The following DGCR2 variants were observed in gnomAD, a reference collection of about 807,000 sequenced individuals.
DGCR2 encodes the protein DiGeorge syndrome critical region gene 2.
DGCR2 carries 24 observed loss-of-function variants against 51.6 expected under a neutral mutation model. The observed-to-expected ratio is 0.47, with a 90% CI of 0.34 to 0.65. DGCR2 has a LOEUF of 0.65. Among genes scored for constraint, DGCR2 ranks in the 30% least tolerant of loss-of-function variants. The pLI, the probability that DGCR2 is intolerant of heterozygous loss-of-function variation, is 0.01. For missense variants in DGCR2, 765 were observed against 772.1 expected (o/e 0.99, Z 0.11); for synonymous variants, 340 against 315.4 (o/e 1.08, Z -0.82).
Position 19,103,479 on chromosome 22 carries a change from G to C in DGCR2, c.80-13989C>G, listed in dbSNP as rs1170814969. ...GGAGTCTCGCTCTGTCACCCAGGCT[G>C]GAGTGCAGTGGCAAGATCTCGGCTT... On this transcript the variant is annotated intron_variant, in intron 1 of 9. Coordinates refer to ENST00000263196, the MANE Select transcript of DGCR2 (RefSeq NM_005137.3). Among the ~76,000 whole-genome samples, 5 of 132,876 alleles carry C rather than the reference G, an allele frequency of 3.8e-5. No homozygotes were observed. In the East Asian group the frequency reaches 8.7e-4, roughly 23 times the overall value. The allele number at this position is 132,876 out of a possible 152,430, so 87.2% of individuals were successfully genotyped here. A position where few individuals can be genotyped will look rare whatever the true frequency, so the allele number is the denominator to read the frequency against.
intron 2 of DGCR2, among the ~76,000 whole-genome samples, chr22:19,076,307 T>C (rs2082875647): frequency 6.7e-6 from 1 of 149,668 alleles, no homozygotes; most frequent in Admixed American, 6.6e-5. Context: ...ATTACAGGCA[T>C]GCATCACCAT....
intron 1 of DGCR2, among the ~76,000 whole-genome samples, chr22:19,115,217 G>C (rs147731953): frequency 3.0e-4 from 45 of 152,354 alleles, no homozygotes; most frequent in African/African-American, 1.0e-3. Context: ...GGGCAGTCCA[G>C]TTCTCAAAGC....
In DGCR2 at chr22:19,041,233, G is replaced by A. The variant is rs768610439; in HGVS notation, c.1221C>T (p.Gly407=). 4 of 1,614,118 alleles carry A rather than the reference G, an allele frequency of 2.5e-6. No individual in the cohort carries two copies. Among genetic ancestry groups the A allele is most frequent in the Non-Finnish European group, 3.4e-6 (4 of 1,180,004 alleles). The change falls in exon 9 of 10, where the codon GGC becomes GGT. Residue 407 remains glycine, a synonymous_variant. Transcript: ENST00000263196. ...PGFDYGPDGF[G]TGLTPLHLSD... is the part of the protein sequence containing the mutation. ...AAAGATGCAGCGGCGTGAGGCCCGT[G>A]CCAAACCCGTCTGGGCCGTAATCAA... is the stretch of plus-strand genomic sequence containing the variant.
In DGCR2 at chr22:19,042,578, G is replaced by T. The variant is rs113094138; in HGVS notation, c.1007-619C>A. Among the ~76,000 whole-genome samples, 834 of 152,350 alleles carry T rather than the reference G, an allele frequency of 5.5e-3. 7 individuals are homozygous for T. Among genetic ancestry groups the T allele is most frequent in the African/African-American group, 0.019 (780 of 41,586 alleles). ...GGAGTGGGGGTGACGCCCCTGCGGA[G>T]CATGGCTCGGGCGGCTGCCGTAGGG... On this transcript the variant is annotated intron_variant, in intron 7 of 9. Coordinates refer to ENST00000263196, the MANE Select transcript of DGCR2 (RefSeq NM_005137.3).
intron 3 of DGCR2, among the ~76,000 whole-genome samples, chr22:19,065,556 G>A (rs1018268446): frequency 6.6e-6 from 1 of 152,190 alleles, no homozygotes; most frequent in Admixed American, 6.5e-5. Flanking sequence ...ACAGCTGGGA[G>A]AGCCATGACA....
At chr22:19,088,141 C>T (rs1245438790) in intron 2 of DGCR2, among the ~76,000 whole-genome samples, 2 of 152,184 alleles carry the variant, frequency 1.3e-5, no homozygotes, top group Non-Finnish European at 2.9e-5. Flanking sequence ...AGTACTAAGC[C>T]TATAGGAATT....
intron 6 of DGCR2, among the ~76,000 whole-genome samples, chr22:19,053,595 T>C (rs2146319900): frequency 6.6e-6 from 1 of 152,272 alleles, no homozygotes; most frequent in South Asian, 2.1e-4. Context: ...AGTAAAGGCA[T>C]AGCCACTGCA....
chr22:19,055,046 G>A (rs2082586753), intron 6 of DGCR2, among the ~76,000 whole-genome samples: 1 of 152,156 alleles, frequency 6.6e-6, no homozygotes, highest in Non-Finnish European at 1.5e-5. Flanking sequence ...AACCCGGGAG[G>A]CAGAGGTTAC....
chr22:19,096,168 T>C lies in DGCR2; in HGVS notation c.80-6678A>G, dbSNP rs2083137709. 2.0e-5 allele frequency among the ~76,000 whole-genome samples: 3 copies of C among 151,342 alleles called. No individual in the cohort carries two copies. In the South Asian group the frequency reaches 6.2e-4, roughly 31 times the overall value. On this transcript the variant is annotated intron_variant, in intron 1 of 9. Transcript: ENST00000263196. ...GGTCTTCAGTTTTATTAAAAATTTCTAACTTCTTATTATTTTGCCATAAAA... is the reference window on the plus strand; with the variant it reads ...GGTCTTCAGTTTTATTAAAAATTTCCAACTTCTTATTATTTTGCCATAAAA...
At chr22:19,122,042 G>T in intron 1 of DGCR2, 86 bp downstream of exon 1, 2 of 1,039,368 alleles carry the variant, frequency 1.9e-6, no homozygotes, top group East Asian at 3.7e-5. Context: ...CCCTGCAGGA[G>T]GGCGCCGCGG....
intron 6 of DGCR2, among the ~76,000 whole-genome samples, chr22:19,049,005 G>T (rs948504361): frequency 6.6e-6 from 1 of 152,204 alleles, no homozygotes; most frequent in Non-Finnish European, 1.5e-5. Flanking sequence ...CATGGCACAG[G>T]GAGTGGCTGT....
intron 2 of DGCR2, among the ~76,000 whole-genome samples, chr22:19,084,401 G>A (rs1476342353): frequency 2.9e-4 from 43 of 150,382 alleles, no homozygotes; most frequent in African/African-American, 9.8e-4. Flanking sequence ...GAGCGTCTCC[G>A]CCGGGCCACC....
chr22:19,064,794 C>T, intron 4 of DGCR2, 54 bp downstream of exon 4: 1 of 1,541,566 alleles, frequency 6.5e-7, no homozygotes, highest in Admixed American at 1.7e-5. Context: ...GCCATGTGCT[C>T]AGTAGTCATC....
intron 1 of DGCR2, among the ~76,000 whole-genome samples, chr22:19,116,223 G>A (rs1311007350): frequency 6.6e-6 from 1 of 152,220 alleles, no homozygotes; most frequent in Non-Finnish European, 1.5e-5. Flanking sequence ...GCTCATTTGA[G>A]GCAAAACCAG....
At chr22:19,111,602 G>A (rs1382637237) in intron 1 of DGCR2, among the ~76,000 whole-genome samples, 1 of 152,156 alleles carries the variant, frequency 6.6e-6, no homozygotes, top group Non-Finnish European at 1.5e-5. Flanking sequence ...AATGAGTCTT[G>A]TCAGGTAAAG....
intron 7 of DGCR2, among the ~76,000 whole-genome samples, chr22:19,043,220 G>T (rs552224302): frequency 2.0e-5 from 3 of 152,214 alleles, no homozygotes; most frequent in Non-Finnish European, 4.4e-5. Context: ...CCACCACTTG[G>T]CTGGGATGCT....
chr22:19,063,278 C>T lies in DGCR2; in HGVS notation c.549G>A (p.Lys183=). 1 of 1,614,008 alleles carries T rather than the reference C, an allele frequency of 6.2e-7. No homozygotes were observed. Among genetic ancestry groups the T allele is most frequent in the Non-Finnish European group, 8.5e-7 (1 of 1,179,924 alleles). ...TAACATACTGATAGCCAACCCACAA[C>T]CTGCAGGGCACAGAGACAGAGACAG... ...ERSFGWKDQR[K]LWVGYQYVIT... is the part of the protein sequence containing the mutation. The change falls in exon 5 of 10, where the codon AAG becomes AAA. Residue 183 remains lysine, a splice_region_variant and synonymous_variant. Transcript: ENST00000263196.
chr22:19,060,818 G>A, intron 5 of DGCR2: 1 of 501,982 alleles, frequency 2.0e-6, no homozygotes, highest in Non-Finnish European at 4.0e-6. Context: ...GTGGGCCTGG[G>A]GGAGCGCCTG....
At chr22:19,066,948 C>T (rs1309615526) in intron 3 of DGCR2, among the ~76,000 whole-genome samples, 1 of 152,220 alleles carries the variant, frequency 6.6e-6, no homozygotes, top group Non-Finnish European at 1.5e-5. Flanking sequence ...AGCCTGTGCA[C>T]CACACTTGCA....
Sources: allele counts gnomAD v4.1 joint callset (sites outside exome capture counted in the v4.1 genomes callset), GRCh38; gene constraint gnomAD v4.1.1; transcripts MANE v1.5; gene names NCBI Gene and HGNC (gene_info 2026-07-23, HGNC 2026-07-21).